Variants in CSMD1 observed in about 807,000 individuals in gnomAD.
CSMD1 encodes the protein CUB and Sushi multiple domains 1.
Under a neutral mutation model 417.5 loss-of-function variants are expected in CSMD1, and 213 were observed. That is an observed-to-expected ratio of 0.51 (90% CI 0.46 to 0.57). The LOEUF (loss-of-function observed/expected upper bound fraction) is 0.57, where lower values mean the gene tolerates loss of function less well. Among genes scored for constraint, CSMD1 ranks in the 20% least tolerant of loss-of-function variants. CSMD1 has a pLI of 0.00. For synonymous variants in CSMD1, 2,862 were observed against 1,736.8 expected, an observed-to-expected ratio of 1.65 and a Z score of -16.11; for missense variants, 6,923 against 4,529.7, an observed-to-expected ratio of 1.53 and a Z score of -15.17.
At chr8:4,216,171 A>T (rs181430011) in intron 3 of CSMD1, among the ~76,000 whole-genome samples, 1 of 152,146 alleles carries the variant, frequency 6.6e-6, no homozygotes, top group Non-Finnish European at 1.5e-5. Context: ...GGACCAGCCT[A>T]TGACACTTGT....
chr8:3,256,868 G>C (rs1004245657), intron 26 of CSMD1, among the ~76,000 whole-genome samples: 1 of 152,114 alleles, frequency 6.6e-6, no homozygotes, highest in Middle Eastern at 3.2e-3. Context: ...ATGTTAGGAG[G>C]AGATTTTTCA....
At chr8:3,146,964 T>C (rs921432661) in intron 40 of CSMD1, among the ~76,000 whole-genome samples, 1 of 152,114 alleles carries the variant, frequency 6.6e-6, no homozygotes, top group Non-Finnish European at 1.5e-5. Flanking sequence ...TAATACCCAA[T>C]AAAATCCTCC....
intron 7 of CSMD1, among the ~76,000 whole-genome samples, chr8:3,693,146 T>G (rs1342764249): frequency 6.6e-5 from 10 of 152,154 alleles, no homozygotes; most frequent in Non-Finnish European, 1.3e-4. Flanking sequence ...ACCCACACTG[T>G]GTCAAGTAAT....
chr8:3,465,020 G>C (rs1426942643), intron 12 of CSMD1, among the ~76,000 whole-genome samples: 2 of 152,100 alleles, frequency 1.3e-5, no homozygotes, highest in African/African-American at 4.8e-5. Context: ...ATGCTCATAA[G>C]TATGAACAGG....
intron 5 of CSMD1, among the ~76,000 whole-genome samples, chr8:3,972,837 C>T (rs1412806942): frequency 6.6e-6 from 1 of 152,088 alleles, no homozygotes; most frequent in Non-Finnish European, 1.5e-5. Flanking sequence ...ATATCTTTGA[C>T]ATTTACCTCA....
chr8:4,961,381 G>A (rs1809471912), intron 1 of CSMD1, among the ~76,000 whole-genome samples: 1 of 152,056 alleles, frequency 6.6e-6, no homozygotes, highest in Admixed American at 6.6e-5. Flanking sequence ...GAGGCATTCA[G>A]TAGAATGTTT....
chr8:3,418,530 C>T (rs898257203), intron 12 of CSMD1, among the ~76,000 whole-genome samples: 6 of 152,022 alleles, frequency 3.9e-5, no homozygotes, highest in Admixed American at 1.3e-4. Flanking sequence ...CTGACGGTCC[C>T]GCTGATCTAG....
intron 41 of CSMD1, among the ~76,000 whole-genome samples, 183 bp from the exon 42 acceptor site, chr8:3,118,770 A>T (rs1016307486): frequency 6.6e-6 from 1 of 152,236 alleles, no homozygotes; most frequent in Admixed American, 6.5e-5. Context: ...TAGTAGTAGA[A>T]TCATAACCAT....
At chr8:4,418,594 C>G (rs1246415183) in intron 3 of CSMD1, among the ~76,000 whole-genome samples, 1 of 152,070 alleles carries the variant, frequency 6.6e-6, no homozygotes. Context: ...GTTAACAGGA[C>G]AAAATATGCC....
intron 10 of CSMD1, among the ~76,000 whole-genome samples, chr8:3,505,088 C>A (rs1389061995): frequency 1.3e-4 from 19 of 151,792 alleles, no homozygotes; most frequent in Admixed American, 1.2e-3. Context: ...TTTCTGTAAC[C>A]CCTGAAATAA....
chr8:4,750,069 G>A (rs1044281250), intron 1 of CSMD1, among the ~76,000 whole-genome samples: 5 of 151,866 alleles, frequency 3.3e-5, no homozygotes, highest in East Asian at 3.9e-4. Context: ...TGCAGTGGGC[G>A]ATCTCGGCTC....
intron 2 of CSMD1, among the ~76,000 whole-genome samples, chr8:4,539,451 A>G (rs947895449): frequency 4.6e-5 from 7 of 152,212 alleles, no homozygotes; most frequent in African/African-American, 1.7e-4. Flanking sequence ...TCAAAAACTC[A>G]TCTTTGAAAT....
intron 4 of CSMD1, among the ~76,000 whole-genome samples, chr8:4,010,438 G>C (rs1816456354): frequency 1.3e-5 from 2 of 152,082 alleles, no homozygotes; most frequent in Non-Finnish European, 1.5e-5. Context: ...TGTCAACACA[G>C]GTAATCCTGG....
intron 1 of CSMD1, among the ~76,000 whole-genome samples, chr8:4,662,925 G>A (rs1804690768): frequency 6.6e-6 from 1 of 152,122 alleles, no homozygotes; most frequent in Non-Finnish European, 1.5e-5. Context: ...GAAAGAAAAA[G>A]GAAAGAAAGG....
chr8:4,456,985 T>TTATA (rs71207092), intron 2 of CSMD1, among the ~76,000 whole-genome samples: 1 of 138,792 alleles, frequency 7.2e-6, no homozygotes. Flanking sequence ...GGTTTTTTTT[T>TTATA]AAAAAAAAAA....
intron 2 of CSMD1, among the ~76,000 whole-genome samples, chr8:4,538,706 C>T (rs1400474374): frequency 6.6e-6 from 1 of 152,170 alleles, no homozygotes; most frequent in Non-Finnish European, 1.5e-5. Flanking sequence ...GGATAAGACA[C>T]TTGTCATACA....
chr8:3,074,657 A>G (rs781065118), intron 49 of CSMD1, among the ~76,000 whole-genome samples: 46 of 152,262 alleles, frequency 3.0e-4, no homozygotes, highest in Non-Finnish European at 5.7e-4. Flanking sequence ...CTGAATGAGT[A>G]TGCATGTCTG....
chr8:3,263,496 A>G (rs1182901158), intron 26 of CSMD1, among the ~76,000 whole-genome samples: 4 of 150,004 alleles, frequency 2.7e-5, no homozygotes, highest in African/African-American at 5.1e-5. Context: ...AGAGCCTTAT[A>G]ATCAGTTATT....
At chr8:4,102,292 A>T (rs192360476) in intron 3 of CSMD1, among the ~76,000 whole-genome samples, 245 of 152,300 alleles carry the variant, frequency 1.6e-3, no homozygotes, top group African/African-American at 5.8e-3. Flanking sequence ...AGATCAGAGA[A>T]ATCATGATCT....
Sources: allele counts gnomAD v4.1 joint callset (sites outside exome capture counted in the v4.1 genomes callset), GRCh38; gene constraint gnomAD v4.1.1; transcripts MANE v1.5; gene names NCBI Gene and HGNC (gene_info 2026-07-23, HGNC 2026-07-21).